Variants in DSCAM observed in about 807,000 individuals in gnomAD.
DSCAM encodes the protein cell adhesion molecule DSCAM.
In DSCAM, 47 loss-of-function variants were observed where a neutral mutation model predicts 217.7. The ratio of observed to expected loss-of-function variants is 0.22; its 90% CI spans 0.17 to 0.28. The LOEUF is 0.28. Among genes scored for constraint, DSCAM ranks in the 10% least tolerant of loss-of-function variants. The pLI is 1.00. For synonymous variants in DSCAM, 1,056 were observed against 1,015.3 expected, an observed-to-expected ratio of 1.04 and a Z score of -0.76; for missense variants, 2,080 against 2,618.3, an observed-to-expected ratio of 0.79 and a Z score of 4.49.
At chr21:40,583,987 A>C (rs1434258248) in intron 3 of DSCAM, among the ~76,000 whole-genome samples, 3 of 152,052 alleles carry the variant, frequency 2.0e-5, no homozygotes, top group Non-Finnish European at 4.4e-5. Context: ...GAAAAGCATG[A>C]TACCTCTGCA....
intron 3 of DSCAM, among the ~76,000 whole-genome samples, chr21:40,643,518 C>A (rs1312745300): frequency 1.3e-5 from 2 of 152,206 alleles, no homozygotes; most frequent in Admixed American, 1.3e-4. Flanking sequence ...TCAGAGTGGA[C>A]TGCAAAGCTC....
chr21:40,144,825 G>A lies in DSCAM; in HGVS notation c.3019-94C>T, dbSNP rs988855625. ...ACCCACGTAGGAAAGCAGAAATAAA[G>A]TGGAGTCATCGCCACGATGCTGGGG... is the stretch of plus-strand genomic sequence containing the variant. On this transcript the variant is annotated intron_variant, in intron 16 of 32. Coordinates refer to ENST00000400454, the MANE Select transcript of DSCAM (RefSeq NM_001389.5). This position sits in a 1 kb window ranked among gnomAD's most constrained non-coding sequence, Gnocchi z 4.8. 6.4e-7 allele frequency: 1 copy of A among 1,551,128 alleles called. No homozygotes were observed. Among genetic ancestry groups the A allele is most frequent in the African/African-American group, 1.4e-5 (1 of 73,284 alleles).
At chr21:40,591,301 T>A (rs460181) in intron 3 of DSCAM, among the ~76,000 whole-genome samples, 2 of 151,974 alleles carry the variant, frequency 1.3e-5, no homozygotes, top group African/African-American at 2.4e-5. Flanking sequence ...AATACACTTA[T>A]AAACAACATA....
At chr21:40,841,264 C>A (rs1275940045) in intron 1 of DSCAM, among the ~76,000 whole-genome samples, 1 of 152,150 alleles carries the variant, frequency 6.6e-6, no homozygotes, top group East Asian at 1.9e-4. Context: ...CTTGACAGAC[C>A]TTGCGTCACC....
chr21:40,403,308 T>C lies in DSCAM; in HGVS notation c.509-34063A>G, dbSNP rs548659961. On this transcript the variant is annotated intron_variant, in intron 3 of 32. Coordinates refer to ENST00000400454, the MANE Select transcript of DSCAM (RefSeq NM_001389.5). Reference sequence around the variant, plus strand: ...CCAGGTGATTAGTAAATCTTTTTTTTTTTTTTTGAGACAAGGTCTCACTCT... The same window carrying C: ...CCAGGTGATTAGTAAATCTTTTTTTCTTTTTTTGAGACAAGGTCTCACTCT... Among the ~76,000 whole-genome samples, 16 of 152,180 alleles carry C rather than the reference T, an allele frequency of 1.1e-4. No individual in the cohort carries two copies. In the South Asian group the frequency reaches 3.1e-3, roughly 30 times the overall value.
intron 1 of DSCAM, among the ~76,000 whole-genome samples, chr21:40,830,930 C>T (rs1247814502): frequency 6.6e-6 from 1 of 152,204 alleles, no homozygotes; most frequent in East Asian, 1.9e-4. Context: ...GTCAGACTCT[C>T]CATGGGATCC....
chr21:40,719,904 A>G (rs1192975284), intron 1 of DSCAM, among the ~76,000 whole-genome samples: 1 of 152,208 alleles, frequency 6.6e-6, no homozygotes, highest in Non-Finnish European at 1.5e-5. Flanking sequence ...AGTGATTTGC[A>G]TGTATGTAAC....
chr21:40,451,243 T>C (rs2075716600), intron 3 of DSCAM, among the ~76,000 whole-genome samples: 1 of 152,196 alleles, frequency 6.6e-6, no homozygotes, highest in Non-Finnish European at 1.5e-5. Context: ...CTCCAGCATT[T>C]ATAAAAAAGA....
In DSCAM at chr21:40,011,685, G is replaced by A. The variant is rs571005435; in HGVS notation, c.*1349C>T. On this transcript the variant is annotated 3_prime_UTR_variant, in exon 33 of 33. Transcript: ENST00000400454. ...CTATTTATGAGTAAATTCTCTCTTAGGATGAGCCACATGGGAGATAAAGTG... is the reference window on the plus strand; with the variant it reads ...CTATTTATGAGTAAATTCTCTCTTAAGATGAGCCACATGGGAGATAAAGTG... 6.6e-6 allele frequency: 1 copy of A among 152,268 alleles called. No homozygotes were observed. Among genetic ancestry groups the A allele is most frequent in the East Asian group, 1.9e-4 (1 of 5,172 alleles). The allele number at this position is 152,268 out of a possible 1,614,324, so 9.4% of individuals were successfully genotyped here.
chr21:40,508,982 T>C (rs1184237312), intron 3 of DSCAM, among the ~76,000 whole-genome samples: 1 of 151,196 alleles, frequency 6.6e-6, no homozygotes, highest in Non-Finnish European at 1.5e-5. Flanking sequence ...AAATGCTACA[T>C]TTCTAAGGTA....
At chr21:40,576,978 TA>T (rs1349106158) in intron 3 of DSCAM, among the ~76,000 whole-genome samples, 1 of 149,702 alleles carries the variant, frequency 6.7e-6, no homozygotes, top group Non-Finnish European at 1.5e-5. Context: ...ACATGTACCC[TA>T]AAAGTATAAT....
At chr21:40,031,142 T>C (rs904033452) in intron 32 of DSCAM, among the ~76,000 whole-genome samples, 5 of 152,220 alleles carry the variant, frequency 3.3e-5, no homozygotes, top group African/African-American at 4.8e-5. Flanking sequence ...GGGTAGCTTA[T>C]TGGGGTTCAG....
chr21:40,546,630 T>G (rs2076585047), intron 3 of DSCAM, among the ~76,000 whole-genome samples: 1 of 152,220 alleles, frequency 6.6e-6, no homozygotes. Flanking sequence ...TGGACCTCAG[T>G]GGCCTTTGGT....
At chr21:40,133,728 T>C in intron 19 of DSCAM, 126 bp downstream of exon 19, 1 of 1,163,706 alleles carries the variant, frequency 8.6e-7, no homozygotes, top group South Asian at 1.9e-5. Flanking sequence ...CACTGGGATA[T>C]TTTGGGAGGG....
intron 11 of DSCAM, among the ~76,000 whole-genome samples, chr21:40,207,713 A>G (rs2091141373): frequency 6.6e-6 from 1 of 152,234 alleles, no homozygotes; most frequent in African/African-American, 2.4e-5. Context: ...TAGGTCTGCC[A>G]TAATAAATTA....
chr21:40,309,309 A>G (rs565762739), intron 9 of DSCAM, among the ~76,000 whole-genome samples: 46 of 152,336 alleles, frequency 3.0e-4, no homozygotes, highest in Admixed American at 1.0e-3. Flanking sequence ...GTCATAAACA[A>G]TATCCATCTT....
intron 3 of DSCAM, among the ~76,000 whole-genome samples, chr21:40,654,743 G>A (rs1049657096): frequency 1.3e-5 from 2 of 152,130 alleles, no homozygotes; most frequent in African/African-American, 2.4e-5. Context: ...TCCTGACTCT[G>A]ACTTTCACTT....
At chr21:40,082,658 C>T (rs1328946133) in intron 24 of DSCAM, among the ~76,000 whole-genome samples, 1 of 150,156 alleles carries the variant, frequency 6.7e-6, no homozygotes, top group East Asian at 2.0e-4. Context: ...ACATCCTCAC[C>T]ACGATTTTAA....
At chr21:40,380,684 A>T (rs1387773156) in intron 3 of DSCAM, among the ~76,000 whole-genome samples, 2 of 152,198 alleles carry the variant, frequency 1.3e-5, no homozygotes, top group Non-Finnish European at 2.9e-5. Flanking sequence ...GGATAAGTAG[A>T]GCTAAGAACA....
Sources: allele counts gnomAD v4.1 joint callset (sites outside exome capture counted in the v4.1 genomes callset), GRCh38; gene constraint gnomAD v4.1.1; non-coding constraint Gnocchi (gnomAD v3.1); transcripts MANE v1.5; gene names NCBI Gene and HGNC (gene_info 2026-07-23, HGNC 2026-07-21).